Variants in CKMT2 observed in about 807,000 individuals in gnomAD.
CKMT2 encodes the protein creatine kinase S-type, mitochondrial.
In CKMT2, 43 loss-of-function variants were observed where a neutral mutation model predicts 48.9. The ratio of observed to expected loss-of-function variants is 0.88; its 90% confidence interval spans 0.69 to 1.13. The LOEUF is 1.13. CKMT2 is among the 50% of genes most tolerant of loss of function. The probability of loss-of-function intolerance (pLI) is 0.00; values close to 1 mark genes in which losing one functional copy is unlikely to be tolerated. For synonymous variants in CKMT2, 206 were observed against 213.0 expected, an observed-to-expected ratio of 0.97 and a Z score of 0.29; for missense variants, 472 against 555.4, an observed-to-expected ratio of 0.85 and a Z score of 1.51.
chr5:81,255,208 C>G lies in CKMT2; in HGVS notation c.663C>G (p.Leu221=), dbSNP rs756505544. The G allele has an allele frequency of 6.2e-7, 1 of 1,613,854 alleles. No individual in the cohort carries two copies. Among genetic ancestry groups the G allele is most frequent in the East Asian group, 2.2e-5 (1 of 44,868 alleles). The part of the protein sequence containing the change: ...SEMTEQDQQR[L]IDDHFLFDKP... ...TGACGGAGCAGGACCAGCAGCGGCT[C>G]ATCGATGTGAGTAGCAGATGGGGCT... The change falls in exon 5 of 10, where the codon CTC becomes CTG. Residue 221 remains leucine (L), a synonymous_variant. Transcript: ENST00000254035.
At chr5:81,233,505 G>GTCACCATTGCCTCCTC in intron 1 of CKMT2, 128 bp downstream of exon 1, 1 of 638,150 alleles carries the variant, frequency 1.6e-6, no homozygotes, top group Non-Finnish European at 2.0e-6. Context: ...CTGACTGCGA[G>GTCACCATTGCCTCCTC]GAGGCAATGG....
At chr5:81,255,656 GC>G (rs933454354) in intron 5 of CKMT2, among the ~76,000 whole-genome samples, 2 of 152,130 alleles carry the variant, frequency 1.3e-5, no homozygotes, top group African/African-American at 4.8e-5. Context: ...CTCTTGTGGA[GC>G]AAGCCTCTGC....
intron 3 of CKMT2, among the ~76,000 whole-genome samples, chr5:81,254,077 G>GT (rs1280396159): frequency 6.6e-6 from 1 of 152,164 alleles, no homozygotes; most frequent in South Asian, 2.1e-4. Context: ...ATTCCTAACC[G>GT]TAAGTATTTT....
At chr5:81,252,432 A>G (rs1756850257) in intron 2 of CKMT2, 2 of 506,476 alleles carry the variant, frequency 3.9e-6, no homozygotes, top group Non-Finnish European at 7.2e-6. Context: ...TTTGATTTCT[A>G]TTATTCCAAC....
chr5:81,255,276 A>G, intron 5 of CKMT2, 62 bp downstream of exon 5: 3 of 1,458,402 alleles, frequency 2.1e-6, no homozygotes, highest in Non-Finnish European at 2.9e-6. Context: ...CCGCACAGGA[A>G]GGCCTCTCCT....
In CKMT2 at chr5:81,233,329, C is replaced by A. The variant is rs1756161744; in HGVS notation, c.-69C>A. On this transcript the variant is annotated 5_prime_UTR_variant, in exon 1 of 10. Transcript: ENST00000254035. The stretch of plus-strand genomic sequence containing the variant: ...GCCCGACCAGCTCGCCCTGCATACA[C>A]TTCTTGGCTGTGTGCGCTCAGCAGG... 1.0e-6 allele frequency: 1 copy of A among 985,658 alleles called. No homozygotes were observed. Among genetic ancestry groups the A allele is most frequent in the Admixed American group, 6.1e-5 (1 of 16,276 alleles). The allele number at this position is 985,658 out of a possible 1,614,324, so 61.1% of individuals were successfully genotyped here. A position where few individuals can be genotyped will look rare whatever the true frequency, so the allele number is the denominator to read the frequency against.
At chr5:81,254,559 G>A in intron 4 of CKMT2, 68 bp downstream of exon 4, 1 of 1,361,368 alleles carries the variant, frequency 7.3e-7, no homozygotes, top group South Asian at 1.2e-5. Context: ...AAGGCCCCTG[G>A]AGAGAGGGGT....
chr5:81,237,146 C>T (rs1756270257), intron 1 of CKMT2, among the ~76,000 whole-genome samples: 1 of 152,152 alleles, frequency 6.6e-6, no homozygotes, highest in Non-Finnish European at 1.5e-5. Context: ...GAGACTCTTT[C>T]TCAAATTAAA....
chr5:81,242,638 A>G, intron 1 of CKMT2: 1 of 272,718 alleles, frequency 3.7e-6, no homozygotes, highest in South Asian at 4.7e-5. Flanking sequence ...ATTGACGCTG[A>G]GATTTGTAGT....
At chr5:81,239,448 AT>A (rs1316525728) in intron 1 of CKMT2, 2 of 152,182 alleles carry the variant, frequency 1.3e-5, no homozygotes, top group Non-Finnish European at 2.9e-5. Flanking sequence ...GCTGAGGGGA[AT>A]GGCCATTTCC....
rs147001052 is a variant in CKMT2, at chr5:81,233,678, A to T, written c.-21+301A>T. The stretch of plus-strand genomic sequence containing the variant: ...AGGAATTTTTCTCGATGGAAAAAAA[A>T]ATCTAAAGGCTGTATTTTGACGCTA... On this transcript the variant is annotated intron_variant, in intron 1 of 9. Transcript: ENST00000254035. 1.8e-3 allele frequency among the ~76,000 whole-genome samples: 268 copies of T among 152,254 alleles called. 2 individuals carry two copies. Among genetic ancestry groups the T allele is most frequent in the African/African-American group, 6.3e-3 (260 of 41,522 alleles).
chr5:81,261,822 A>T (rs907917077), intron 8 of CKMT2, among the ~76,000 whole-genome samples: 3 of 152,062 alleles, frequency 2.0e-5, no homozygotes, highest in Admixed American at 6.6e-5. Context: ...CATTGACTTC[A>T]CAGAATTAGA....
chr5:81,264,380 A>G (rs770417906), intron 9 of CKMT2, among the ~76,000 whole-genome samples: 4 of 152,180 alleles, frequency 2.6e-5, no homozygotes, highest in Non-Finnish European at 5.9e-5. Flanking sequence ...ACCCTTAATA[A>G]TTCAGTGACT....
intron 8 of CKMT2, among the ~76,000 whole-genome samples, chr5:81,262,159 C>T (rs111597598): frequency 0.016 from 2,394 of 152,144 alleles, 54 homozygotes; most frequent in African/African-American, 0.055. Flanking sequence ...TGAAACTGGA[C>T]CCCTTCCTTA....
intron 1 of CKMT2, chr5:81,244,092 A>G (rs1756529786): frequency 2.0e-6 from 2 of 985,440 alleles, no homozygotes; most frequent in Non-Finnish European, 2.4e-6. Context: ...CGGGTTGGGG[A>G]GGAACCAGGG....
chr5:81,252,618 G>T, intron 2 of CKMT2, 77 bp from the exon 3 acceptor site: 1 of 1,463,576 alleles, frequency 6.8e-7, no homozygotes, highest in South Asian at 1.2e-5. Context: ...GTGGAAGGAT[G>T]GGCAAACAAC....
intron 9 of CKMT2, 111 bp downstream of exon 9, chr5:81,263,727 C>T (rs965320175): frequency 9.0e-6 from 8 of 893,796 alleles, no homozygotes; most frequent in Non-Finnish European, 1.2e-5. Flanking sequence ...TCCTCTTCGC[C>T]CATTGAGTCC....
In CKMT2 at chr5:81,252,170, C is replaced by T. The variant is rs180773301; in HGVS notation, c.153-525C>T. On this transcript the variant is annotated intron_variant, in intron 2 of 9. Coordinates refer to ENST00000254035, the MANE Select transcript of CKMT2 (RefSeq NM_001099735.2). Reference sequence around the variant, plus strand: ...ACCCTGCCATGGATGAGATACCATGCGCTGAGCAGAGTTTGAGTGGCATGC... The same window carrying T: ...ACCCTGCCATGGATGAGATACCATGTGCTGAGCAGAGTTTGAGTGGCATGC... 3.6e-5 allele frequency: 6 copies of T among 168,272 alleles called. No homozygotes were observed. The South Asian group carries it at 4.5e-4, about 12-fold the overall frequency. 10.4% of individuals were successfully genotyped at this position (168,272 alleles called of 1,614,324 possible). A position where few individuals can be genotyped will look rare whatever the true frequency, so the allele number is the denominator to read the frequency against.
intron 1 of CKMT2, among the ~76,000 whole-genome samples, chr5:81,250,496 G>A (rs1016819780): frequency 2.6e-5 from 4 of 152,078 alleles, no homozygotes; most frequent in African/African-American, 9.7e-5. Flanking sequence ...TAGGAATCCA[G>A]GGCCTAAACT....
Sources: gnomAD v4.1 joint callset for allele counts (sites outside exome capture counted in the v4.1 genomes callset) on GRCh38, gnomAD v4.1.1 for gene constraint, MANE v1.5 for transcripts, NCBI Gene and HGNC (gene_info 2026-07-23, HGNC 2026-07-21) for gene names.